TREML4: variants seen among roughly 807,000 people sequenced by gnomAD.
TREML4 encodes triggering receptor expressed on myeloid cells like 4.
A neutral mutation model predicts 25.4 loss-of-function variants in TREML4; 25 were observed. That is an observed-to-expected ratio of 0.98 (90% CI 0.72 to 1.37). The LOEUF is 1.37. TREML4 is among the 40% of genes most tolerant of loss of function. The pLI, the probability that TREML4 is intolerant of heterozygous loss-of-function variation, is 0.00. For synonymous variants in TREML4, 92 were observed against 87.9 expected (o/e 1.05, Z -0.26); for missense variants, 268 against 236.5 (o/e 1.13, Z -0.87).
chr6:41,228,369 C>T lies in TREML4; in HGVS notation c.-59C>T, dbSNP rs1582113421. Reference sequence around the variant, plus strand: ...GAATCAGACCCAGCGTCTGACTCCTCCTGAGAGGGCTCCCTTTTTTCTCCT... The same window carrying T: ...GAATCAGACCCAGCGTCTGACTCCTTCTGAGAGGGCTCCCTTTTTTCTCCT... On this transcript the variant is annotated 5_prime_UTR_variant, in exon 1 of 6. Transcript: ENST00000341495. The T allele has an allele frequency of 3.0e-5, 40 of 1,324,376 alleles. No individual in the cohort carries two copies. The highest frequency in any genetic ancestry group is 3.8e-5 in the Non-Finnish European group (37 of 971,668). 82.0% of individuals were successfully genotyped at this position (1,324,376 alleles called of 1,614,324 possible).
At position 41,237,890 on chromosome 6, in the gene TREML4, T is replaced by C. The variant is rs1429286988; in HGVS notation, c.*871T>C. On this transcript the variant is annotated 3_prime_UTR_variant, in exon 6 of 6. Transcript: ENST00000341495. ...AAAATCAAGTTGAACTAACAATAAATGATGGTGGGTGAAAGATAAATGTTT... is the reference window on the plus strand; with the variant it reads ...AAAATCAAGTTGAACTAACAATAAACGATGGTGGGTGAAAGATAAATGTTT... 1 of 152,146 alleles carries C rather than the reference T, an allele frequency of 6.6e-6. No homozygotes were observed. The highest frequency in any genetic ancestry group is 1.5e-5 in the Non-Finnish European group (1 of 68,030). 9.4% of individuals were successfully genotyped at this position (152,146 alleles called of 1,614,324 possible). A position where few individuals can be genotyped will look rare whatever the true frequency, so the allele number is the denominator to read the frequency against.
rs755591611 is a variant in TREML4, at chr6:41,236,480, C to G, written c.507-6C>G. On this transcript the variant is annotated splice_polypyrimidine_tract_variant and splice_region_variant and intron_variant, in intron 4 of 5. Transcript: ENST00000341495. ...GTCCATCCTCCTTTCTCCTTCTTCC[C>G]TGCAGGAAATCAAGAGCCCCTGCCT... 13 of 1,613,642 alleles carry G rather than the reference C, an allele frequency of 8.1e-6. No homozygotes were observed. The Admixed American group carries it at 2.2e-4, about 27-fold the overall frequency.
At chr6:41,232,162 C>T (rs1318123997) in intron 4 of TREML4, among the ~76,000 whole-genome samples, 1 of 152,144 alleles carries the variant, frequency 6.6e-6, no homozygotes, top group African/African-American at 2.4e-5. Flanking sequence ...GCCAAATTGT[C>T]ACTCCAATGT....
At chr6:41,232,097 C>T (rs1766811529) in intron 4 of TREML4, among the ~76,000 whole-genome samples, 1 of 152,166 alleles carries the variant, frequency 6.6e-6, no homozygotes, top group African/African-American at 2.4e-5. Context: ...GAAGACAATT[C>T]AGTAATATTT....
At chr6:41,231,285 G>A (rs190406711) in intron 4 of TREML4, among the ~76,000 whole-genome samples, 339 of 152,218 alleles carry the variant, frequency 2.2e-3, no homozygotes, top group Middle Eastern at 0.01. Flanking sequence ...GTTCTCAGGC[G>A]CCAAAAAGGT....
At chr6:41,230,195 A>T in intron 4 of TREML4, 73 bp downstream of exon 4, 1 of 1,304,284 alleles carries the variant, frequency 7.7e-7, no homozygotes, top group Non-Finnish European at 1.1e-6. Context: ...GAACCTTGGA[A>T]TCAAGTCCAG....
rs138237195 is a variant in TREML4, at chr6:41,235,353, G to A, written c.507-1133G>A. ...CAATGCTTGAAGGAAAGGAAAACAG[G>A]TTACATGAAAGAAGATTAGACAAGA... On this transcript the variant is annotated intron_variant, in intron 4 of 5. Transcript: ENST00000341495. Among the ~76,000 whole-genome samples the A allele has an allele frequency of 4.5e-3, 684 of 152,200 alleles. 2 individuals are homozygous for A. The highest frequency in any genetic ancestry group is 7.6e-3 in the Non-Finnish European group (517 of 67,980).
intron 4 of TREML4, among the ~76,000 whole-genome samples, chr6:41,235,918 G>A (rs6907621): frequency 0.34 from 51,617 of 151,876 alleles, 8,778 homozygotes; most frequent in Middle Eastern, 0.43. Flanking sequence ...AGTTACCAAG[G>A]CCACAAGAGA....
At chr6:41,231,439 C>T (rs544775343) in intron 4 of TREML4, among the ~76,000 whole-genome samples, 229 of 152,070 alleles carry the variant, frequency 1.5e-3, no homozygotes, top group Admixed American at 2.4e-3. Flanking sequence ...TACCTAGGCT[C>T]TTAGTAGAAG....
chr6:41,229,057 C>T lies in TREML4; in HGVS notation c.394+13C>T. The stretch of plus-strand genomic sequence containing the variant: ...GTGGTGTCTCCAGGTGAGCTCTTTT[C>T]TTGAGGAAATACCTCTGTGCCACCC... On this transcript the variant is annotated intron_variant, in intron 2 of 5. Transcript: ENST00000341495. 6.2e-7 allele frequency: 1 copy of T among 1,603,346 alleles called. No individual in the cohort carries two copies. The highest frequency in any genetic ancestry group is 2.2e-5 in the East Asian group (1 of 44,800).
At chr6:41,231,868 T>A (rs1288735016) in intron 4 of TREML4, among the ~76,000 whole-genome samples, 2 of 151,796 alleles carry the variant, frequency 1.3e-5, no homozygotes, top group Non-Finnish European at 2.9e-5. Flanking sequence ...GGAGAAAGAA[T>A]CCAGGAAATT....
At chr6:41,232,306 G>A (rs1406890526) in intron 4 of TREML4, 3 of 371,190 alleles carry the variant, frequency 8.1e-6, no homozygotes, top group African/African-American at 6.3e-5. Context: ...TAGAAGTGAG[G>A]GAGTAAGTGT....
chr6:41,229,525 A>C lies in TREML4; in HGVS notation c.399A>C (p.Pro133=), dbSNP rs767028028. Residue 133 remains proline (P), a synonymous_variant, in exon 3 of 6, where the codon CCA becomes CCC. Transcript: ENST00000341495. ...TCTGCTGTCTTTTCTCTTTAGCCCC[A>C]ACCACGTCTCCTATGTGGACTCTTC... ...RNISLVVSPA[P]TTSPMWTLPW... 64 of 1,613,450 alleles carry C rather than the reference A, an allele frequency of 4.0e-5. No individual in the cohort carries two copies. In the East Asian group the frequency reaches 4.9e-4, roughly 12 times the overall value.
chr6:41,238,243 G>A lies in TREML4; in HGVS notation c.*1224G>A, dbSNP rs954428557. The A allele has an allele frequency of 6.6e-6, 1 of 152,136 alleles. No individual in the cohort carries two copies. Among genetic ancestry groups the A allele is most frequent in the African/African-American group, 2.4e-5 (1 of 41,422 alleles). 9.4% of individuals were successfully genotyped at this position (152,136 alleles called of 1,614,324 possible). On this transcript the variant is annotated 3_prime_UTR_variant, in exon 6 of 6. Coordinates refer to ENST00000341495, the MANE Select transcript of TREML4 (RefSeq NM_198153.3). ...TATTTTTTTAATCCTCATTCCCTAT[G>A]TCCACTTGCCTTCCTCTCCGAGGCA...
At chr6:41,236,284 G>A (rs1469207817) in intron 4 of TREML4, among the ~76,000 whole-genome samples, 1 of 152,098 alleles carries the variant, frequency 6.6e-6, no homozygotes, top group Non-Finnish European at 1.5e-5. Context: ...CTCCGTTCAA[G>A]ACTTTGAGGT....
At chr6:41,230,209 A>G in intron 4 of TREML4, 87 bp downstream of exon 4, 1 of 1,129,384 alleles carries the variant, frequency 8.9e-7, no homozygotes, top group Non-Finnish European at 1.3e-6. Context: ...AGTCCAGGGC[A>G]CCCAGGGATC....
At position 41,228,911 on chromosome 6, in the gene TREML4, C is replaced by T; in HGVS notation, c.261C>T (p.Pro87=). Residue 87 remains proline, a synonymous_variant, in exon 2 of 6, where the codon CCC becomes CCT. Transcript: ENST00000341495. Reference sequence around the variant, plus strand: ...CTCATTACACAATCTGGGACAAGCCCAATGCTGGCTTCTTCAACATCACCA... The same window carrying T: ...CTCATTACACAATCTGGGACAAGCCTAATGCTGGCTTCTTCAACATCACCA... ...QKSHYTIWDK[P]NAGFFNITMI... is the part of the protein sequence containing the mutation. The T allele has an allele frequency of 1.2e-6, 2 of 1,614,152 alleles. No individual in the cohort carries two copies. Among genetic ancestry groups the T allele is most frequent in the African/African-American group, 1.3e-5 (1 of 75,032 alleles).
chr6:41,230,843 T>C (rs1375689871), intron 4 of TREML4, among the ~76,000 whole-genome samples: 2 of 152,124 alleles, frequency 1.3e-5, no homozygotes, highest in African/African-American at 4.8e-5. Flanking sequence ...TGTTAGAAAT[T>C]GGGCCATAAA....
rs754696600 is a variant in TREML4 at position 41,236,588 on chromosome 6, G to A, written c.*6G>A. On this transcript the variant is annotated 3_prime_UTR_variant, in exon 5 of 6. Transcript: ENST00000341495. Reference sequence around the variant, plus strand: ...CCAAGGGCCTGATGTTGTGAGTCCTGTTAGTGCTCCTGATCTGCAGGTGCC... The same window carrying A: ...CCAAGGGCCTGATGTTGTGAGTCCTATTAGTGCTCCTGATCTGCAGGTGCC... 27 of 1,611,480 alleles carry A rather than the reference G, an allele frequency of 1.7e-5. No individual in the cohort carries two copies. In the Middle Eastern group the frequency reaches 1.3e-3, roughly 79 times the overall value.
Sources: gnomAD v4.1 joint callset for allele counts (sites outside exome capture counted in the v4.1 genomes callset) on GRCh38, gnomAD v4.1.1 for gene constraint, MANE v1.5 for transcripts, NCBI Gene and HGNC (gene_info 2026-07-23, HGNC 2026-07-21) for gene names.